Variants in CMYA5 observed in about 807,000 individuals in gnomAD.
CMYA5 encodes cardiomyopathy-associated protein 5.
CMYA5 carries 246 observed loss-of-function variants against 318.9 expected under a neutral mutation model. The observed-to-expected ratio is 0.77, with a 90% CI of 0.70 to 0.86. The LOEUF (loss-of-function observed/expected upper bound fraction) is 0.86, where lower values mean the gene tolerates loss of function less well. Among genes scored for constraint, CMYA5 ranks in the 40% least tolerant of loss-of-function variants. CMYA5 has a pLI of 0.00. For missense variants in CMYA5, 4,589 were observed against 4,678.2 expected, an observed-to-expected ratio of 0.98 and a Z score of 0.56; for synonymous variants, 1,641 against 1,729.5, an observed-to-expected ratio of 0.95 and a Z score of 1.27.
Position 79,730,940 on chromosome 5 carries a change from T to C in CMYA5, c.2175T>C (p.Gly725=), listed in dbSNP as rs199584475. The change falls in exon 2 of 13, where the codon GGT becomes GGC. Residue 725 remains glycine (G), a synonymous_variant. Coordinates refer to ENST00000446378, the MANE Select transcript of CMYA5 (RefSeq NM_153610.5). ...IDRKSPLILK[G]VSEYMIPSEE... ...GTAAGTCCCCGTTAATATTGAAAGG[T>C]GTTTCTGAGTACATGATTCCATCAG... 1,699 of 1,613,932 alleles carry C rather than the reference T, an allele frequency of 1.1e-3. 13 individuals carry two copies. The Middle Eastern group carries it at 0.011, about 10-fold the overall frequency.
intron 1 of CMYA5, among the ~76,000 whole-genome samples, chr5:79,691,102 T>A (rs1826962932): frequency 6.6e-6 from 1 of 152,014 alleles, no homozygotes; most frequent in African/African-American, 2.4e-5. Context: ...TTCCCTAACA[T>A]GGGGAGTGTG....
In CMYA5 at chr5:79,763,138, C is replaced by G. The variant is rs779285430; in HGVS notation, c.11484C>G (p.Thr3828=). The G allele has an allele frequency of 1.9e-6, 3 of 1,579,692 alleles. No homozygotes were observed. The highest frequency in any genetic ancestry group is 1.8e-5 in the Admixed American group (1 of 56,888). ...WNTATIRWRP[T]TPEATETYTL... is the part of the protein sequence containing the mutation. ...CAGCCACTATCCGATGGCGGCCCAC[C>G]ACCCCAGAGGCCACGGAGACCTACA... The change falls in exon 9 of 13, where the codon ACC becomes ACG. Residue 3828 remains threonine (T), a synonymous_variant. Coordinates refer to ENST00000446378, the MANE Select transcript of CMYA5 (RefSeq NM_153610.5).
intron 1 of CMYA5, among the ~76,000 whole-genome samples, chr5:79,717,939 A>G (rs1366446800): frequency 1.1e-5 from 1 of 93,822 alleles, no homozygotes; most frequent in African/African-American, 5.9e-5. Context: ...CCCAGGCTGG[A>G]GTGCAGTGGC....
chr5:79,788,886 G>A (rs533159253), intron 9 of CMYA5, 85 bp from the exon 10 acceptor site: 3 of 1,331,132 alleles, frequency 2.3e-6, no homozygotes, highest in Non-Finnish European at 3.1e-6. Context: ...GCTAATAAAA[G>A]ATGTTCATTC....
At chr5:79,768,933 A>G (rs1335294626) in intron 9 of CMYA5, among the ~76,000 whole-genome samples, 2 of 152,136 alleles carry the variant, frequency 1.3e-5, no homozygotes, top group African/African-American at 2.4e-5. Flanking sequence ...AGCTACACCA[A>G]TCAGACGTAG....
chr5:79,743,322 T>C (rs1828255824), intron 2 of CMYA5, among the ~76,000 whole-genome samples: 1 of 152,180 alleles, frequency 6.6e-6, no homozygotes, highest in African/African-American at 2.4e-5. Flanking sequence ...TCATTAGAAC[T>C]TTTAGGTCCC....
chr5:79,770,284 C>T (rs1272662075), intron 9 of CMYA5, among the ~76,000 whole-genome samples: 1 of 152,180 alleles, frequency 6.6e-6, no homozygotes, highest in Non-Finnish European at 1.5e-5. Context: ...GGCTCCCTGG[C>T]TTCAGCCCCC....
chr5:79,732,331 C>T lies in CMYA5; in HGVS notation c.3566C>T (p.Ala1189Val). 1 of 1,613,794 alleles carries T rather than the reference C, an allele frequency of 6.2e-7. No homozygotes were observed. Among genetic ancestry groups the T allele is most frequent in the Non-Finnish European group, 8.5e-7 (1 of 1,179,848 alleles). ...AIKKEQEPTA[A>V]LTLKAADEQM... ...AAGAAAGAACAGGAACCCACAGCAG[C>T]ACTCACTCTAAAAGCTGCAGATGAA... The change falls in exon 2 of 13, where the codon GCA becomes GTA. Residue 1189 changes from alanine to valine, a missense_variant. Ala to Val is a moderately conservative substitution (Grantham distance 64). This residue lies in a region of CMYA5 where 2,132 missense variants were observed against 2,131.3 expected (regional missense o/e 1.00). Transcript: ENST00000446378.
chr5:79,690,451 A>G (rs1050729619), intron 1 of CMYA5, among the ~76,000 whole-genome samples: 1 of 152,104 alleles, frequency 6.6e-6, no homozygotes, highest in Non-Finnish European at 1.5e-5. Flanking sequence ...GTACCTTCCG[A>G]TGAATGGCGG....
chr5:79,791,026 A>G lies in CMYA5; in HGVS notation c.11746A>G (p.Ser3916Gly). ...TCATCCTGCTCTACACATTTCCTCA[A>G]GTGGGACAGTGATCAGCTTTGGTGA... ...TAHPALHISS[S>G]GTVISFGERR... The change falls in exon 11 of 13, where the codon AGT becomes GGT. Residue 3916 changes from serine (S) to glycine (G), a missense_variant. Ser to Gly is a moderately conservative substitution (Grantham distance 56). Transcript: ENST00000446378. 1 of 1,613,864 alleles carries G rather than the reference A, an allele frequency of 6.2e-7. No homozygotes were observed. The highest frequency in any genetic ancestry group is 8.5e-7 in the Non-Finnish European group (1 of 1,179,830).
At chr5:79,707,359 A>G (rs1288575724) in intron 1 of CMYA5, among the ~76,000 whole-genome samples, 2 of 152,226 alleles carry the variant, frequency 1.3e-5, no homozygotes, top group African/African-American at 4.8e-5. Flanking sequence ...TTTTGAACAC[A>G]TAATACACAC....
chr5:79,770,120 C>T (rs529218027), intron 9 of CMYA5, among the ~76,000 whole-genome samples: 3 of 152,298 alleles, frequency 2.0e-5, no homozygotes, highest in South Asian at 2.1e-4. Context: ...AAACTGCCTA[C>T]TCAAGCCTCA....
rs753126449 is a variant in CMYA5, at chr5:79,733,782, C to G, written c.5017C>G (p.Pro1673Ala). 2.5e-6 allele frequency: 4 copies of G among 1,613,444 alleles called. No homozygotes were observed. Among genetic ancestry groups the G allele is most frequent in the South Asian group, 1.1e-5 (1 of 90,992 alleles). ...ETEDSVLEKG[P>A]AELRSREGKE... The stretch of plus-strand genomic sequence containing the variant: ...AGAGGATTCTGTTTTAGAAAAAGGC[C>G]CAGCTGAGCTTAGGAGCAGAGAAGG... Residue 1673 changes from proline to alanine, a missense_variant, in exon 2 of 13, where the codon CCA becomes GCA. Physicochemically the swap from Pro to Ala is conservative, Grantham distance 27. Coordinates refer to ENST00000446378, the MANE Select transcript of CMYA5 (RefSeq NM_153610.5).
chr5:79,706,402 T>C (rs1370588235), intron 1 of CMYA5, among the ~76,000 whole-genome samples: 3 of 152,176 alleles, frequency 2.0e-5, no homozygotes, highest in African/African-American at 7.2e-5. Flanking sequence ...TAGCAAGATA[T>C]TAATCAGCAG....
intron 1 of CMYA5, among the ~76,000 whole-genome samples, chr5:79,700,477 A>G (rs1209847114): frequency 6.6e-6 from 1 of 152,208 alleles, no homozygotes; most frequent in Non-Finnish European, 1.5e-5. Flanking sequence ...ACCATGCCTT[A>G]AAACTGGTCT....
intron 9 of CMYA5, among the ~76,000 whole-genome samples, chr5:79,773,056 G>A (rs1828881355): frequency 6.6e-6 from 1 of 152,094 alleles, no homozygotes; most frequent in African/African-American, 2.4e-5. Context: ...TTGATTCTTT[G>A]CACAGCAATG....
At chr5:79,750,419 C>CA (rs1219711180) in intron 5 of CMYA5, among the ~76,000 whole-genome samples, 1 of 152,172 alleles carries the variant, frequency 6.6e-6, no homozygotes, top group Admixed American at 6.5e-5. Flanking sequence ...TTCCAGTCAA[C>CA]AGCAGACTAT....
rs1561208819 is a variant in CMYA5 at position 79,733,322 on chromosome 5, C to T, written c.4557C>T (p.Thr1519=). Residue 1519 remains threonine, a synonymous_variant, in exon 2 of 13, where the codon ACC becomes ACT. Transcript: ENST00000446378. The part of the protein sequence containing the change: ...VSSQKKSLMS[T]SEVLEPEHEL... ...CACAGAAGAAGAGCTTGATGTCTAC[C>T]TCAGAGGTGTTAGAGCCTGAACATG... 2 of 1,613,652 alleles carry T rather than the reference C, an allele frequency of 1.2e-6. No homozygotes were observed. Among genetic ancestry groups the T allele is most frequent in the Middle Eastern group, 1.7e-4 (1 of 6,060 alleles).
chr5:79,700,560 C>T (rs1827154856), intron 1 of CMYA5, among the ~76,000 whole-genome samples: 1 of 152,162 alleles, frequency 6.6e-6, no homozygotes, highest in South Asian at 2.1e-4. Context: ...AATAGAAGTT[C>T]TCTAAAGAAA....
Sources: allele counts gnomAD v4.1 joint callset (sites outside exome capture counted in the v4.1 genomes callset), GRCh38; gene constraint gnomAD v4.1.1; regional missense constraint gnomAD v4.1.1; transcripts MANE v1.5; gene names NCBI Gene and HGNC (gene_info 2026-07-23, HGNC 2026-07-21).